Variants in DLG1 observed in about 807,000 individuals in gnomAD.
DLG1 encodes discs large MAGUK scaffold protein 1.
DLG1 carries 42 observed loss-of-function variants against 123.4 expected under a neutral mutation model. That is an observed-to-expected ratio of 0.34 (90% CI 0.27 to 0.44). The LOEUF is 0.44. Among genes scored for constraint, DLG1 ranks in the 20% least tolerant of loss-of-function variants. The pLI is 1.00. For synonymous variants in DLG1, 317 were observed against 356.2 expected (o/e 0.89, Z 1.24); for missense variants, 942 against 1,082.6 (o/e 0.87, Z 1.82).
chr3:197,221,514 G>C, intron 4 of DLG1, among the ~76,000 whole-genome samples: 1 of 150,686 alleles, frequency 6.6e-6, no homozygotes. Flanking sequence ...GACAGAGTGA[G>C]ACTCCATCTC....
intron 2 of DLG1, chr3:197,296,710 G>A (rs1777525200): frequency 2.3e-6 from 1 of 428,726 alleles, no homozygotes; most frequent in African/African-American, 2.0e-5. Context: ...GGAGGAGAGT[G>A]AGCAGTTTGG....
At chr3:197,190,510 A>C (rs1440507858) in intron 5 of DLG1, among the ~76,000 whole-genome samples, 1 of 152,168 alleles carries the variant, frequency 6.6e-6, no homozygotes, top group Non-Finnish European at 1.5e-5. Flanking sequence ...ATATAAGTGG[A>C]GCAGTGCAGT....
At chr3:197,252,225 T>C (rs1754782026) in intron 4 of DLG1, among the ~76,000 whole-genome samples, 1 of 152,172 alleles carries the variant, frequency 6.6e-6, no homozygotes, top group Non-Finnish European at 1.5e-5. Context: ...TTCTACTTTA[T>C]AAACCTCTTC....
intron 5 of DLG1, among the ~76,000 whole-genome samples, chr3:197,157,831 C>T (rs1797019210): frequency 6.6e-6 from 1 of 152,142 alleles, no homozygotes; most frequent in Admixed American, 6.5e-5. Context: ...CTGGTACTGG[C>T]ATGCAGACAG....
At chr3:197,242,429 A>T (rs1393429555) in intron 4 of DLG1, among the ~76,000 whole-genome samples, 1 of 152,076 alleles carries the variant, frequency 6.6e-6, no homozygotes, top group East Asian at 1.9e-4. Context: ...TACAAACTAG[A>T]CCTAATAGGC....
intron 15 of DLG1, among the ~76,000 whole-genome samples, chr3:197,089,395 C>G (rs1449314002): frequency 6.6e-6 from 1 of 151,868 alleles, no homozygotes; most frequent in African/African-American, 2.4e-5. Context: ...GGCATGGTGG[C>G]ATGTGCCTAC....
chr3:197,176,355 T>TGGG (rs75284384), intron 5 of DLG1, among the ~76,000 whole-genome samples: 1 of 151,992 alleles, frequency 6.6e-6, no homozygotes, highest in Non-Finnish European at 1.5e-5. Flanking sequence ...GAGTTGACTG[T>TGGG]GGGGGCTGGA....
chr3:197,276,792 G>A (rs1188039090), intron 4 of DLG1, among the ~76,000 whole-genome samples: 1 of 152,088 alleles, frequency 6.6e-6, no homozygotes, highest in Non-Finnish European at 1.5e-5. Flanking sequence ...TATAAAGTCA[G>A]CAGCATTTTT....
chr3:197,051,643 C>T lies in DLG1; in HGVS notation c.2509G>A (p.Glu837Lys). The T allele has an allele frequency of 6.2e-7, 1 of 1,613,548 alleles. No individual in the cohort carries two copies. The highest frequency in any genetic ancestry group is 8.5e-7 in the Non-Finnish European group (1 of 1,179,714). ...IMEMNKRLTE[E>K]QARKTFERAM... is the part of the protein sequence containing the mutation. ...CTCTCAAATGTTTTTCTGGCTTGTT[C>T]TTCTGTTAGACGCTTATTCATTTCC... The change falls in exon 24 of 25, where the codon GAA becomes AAA. Residue 837 changes from glutamate (E) to lysine (K), a missense_variant. Glu to Lys is a moderately conservative substitution (Grantham distance 56). Coordinates refer to ENST00000667157, the MANE Select transcript of DLG1 (RefSeq NM_001366207.1).
At chr3:197,189,474 T>G (rs773516323) in intron 5 of DLG1, among the ~76,000 whole-genome samples, 15 of 152,208 alleles carry the variant, frequency 9.9e-5, no homozygotes, top group Non-Finnish European at 1.5e-4. Flanking sequence ...AATTTTTTTC[T>G]GCTGGGATTG....
chr3:197,152,762 CAAAAAAAAAAAAA>C (rs63446260), intron 5 of DLG1, among the ~76,000 whole-genome samples: 18 of 52,532 alleles, frequency 3.4e-4, no homozygotes, highest in Non-Finnish European at 4.9e-4. Flanking sequence ...GACTCTGTCT[CAAAAAAAAAAAAA>C]AAAAAAAAAA....
intron 5 of DLG1, among the ~76,000 whole-genome samples, chr3:197,156,717 A>G (rs551739922): frequency 6.6e-6 from 1 of 152,366 alleles, no homozygotes; most frequent in African/African-American, 2.4e-5. Context: ...CAAAGGTATT[A>G]TACATTAATA....
At chr3:197,282,434 T>C (rs1464257523) in intron 4 of DLG1, among the ~76,000 whole-genome samples, 1 of 152,220 alleles carries the variant, frequency 6.6e-6, no homozygotes, top group African/African-American at 2.4e-5. Flanking sequence ...AAAGAATTTT[T>C]TAATAGTCTA....
chr3:197,222,634 T>C (rs1225949983), intron 4 of DLG1, among the ~76,000 whole-genome samples: 1 of 152,130 alleles, frequency 6.6e-6, no homozygotes, highest in South Asian at 2.1e-4. Context: ...AAGCTACTTG[T>C]ATCCCTGGCC....
At chr3:197,204,440 T>C (rs2150352189) in intron 4 of DLG1, among the ~76,000 whole-genome samples, 1 of 152,308 alleles carries the variant, frequency 6.6e-6, no homozygotes, top group South Asian at 2.1e-4. Flanking sequence ...ACCTGCTACT[T>C]TGTGATAGGA....
intron 4 of DLG1, among the ~76,000 whole-genome samples, chr3:197,217,892 T>C (rs961544438): frequency 6.6e-6 from 1 of 152,206 alleles, no homozygotes; most frequent in Non-Finnish European, 1.5e-5. Context: ...TACACAGATG[T>C]CAACACTTAA....
In DLG1 at chr3:197,121,384, A is replaced by G. The variant is rs143454487; in HGVS notation, c.1166-1854T>C. The stretch of plus-strand genomic sequence containing the variant: ...ATATTAAGATGAATGATTCAACACT[A>G]TAAGATTTTATAGAAAAGCAAGTAG... On this transcript the variant is annotated intron_variant, in intron 11 of 24. Coordinates refer to ENST00000667157, the MANE Select transcript of DLG1 (RefSeq NM_001366207.1). Among the ~76,000 whole-genome samples, 572 of 152,272 alleles carry G rather than the reference A, an allele frequency of 3.8e-3. 3 individuals carry two copies. Among genetic ancestry groups the G allele is most frequent in the African/African-American group, 0.013 (541 of 41,568 alleles).
intron 4 of DLG1, among the ~76,000 whole-genome samples, chr3:197,280,380 T>A (rs1385103852): frequency 1.3e-5 from 2 of 151,308 alleles, no homozygotes; most frequent in Non-Finnish European, 2.9e-5. Flanking sequence ...TCACACTTTA[T>A]CCATTCACCT....
chr3:197,228,695 C>G (rs555676792), intron 4 of DLG1, among the ~76,000 whole-genome samples: 3 of 152,140 alleles, frequency 2.0e-5, no homozygotes, highest in African/African-American at 7.2e-5. Flanking sequence ...TAGATTTGCA[C>G]TAAAGTGTCT....
Sources: allele counts gnomAD v4.1 joint callset (sites outside exome capture counted in the v4.1 genomes callset), GRCh38; gene constraint gnomAD v4.1.1; transcripts MANE v1.5; gene names NCBI Gene and HGNC (gene_info 2026-07-23, HGNC 2026-07-21).